PDGFD: variants seen among roughly 807,000 people sequenced by gnomAD.
PDGFD encodes the protein platelet derived growth factor D, also known as platelet-derived growth factor D.
Under a neutral mutation model 44.7 loss-of-function variants are expected in PDGFD, and 30 were observed. That is an observed-to-expected ratio of 0.67 (90% confidence interval 0.50 to 0.91). The LOEUF (loss-of-function observed/expected upper bound fraction) is 0.91, where lower values mean the gene tolerates loss of function less well. PDGFD is among the 40% of genes least tolerant of loss of function. PDGFD has a pLI of 0.00. For synonymous variants in PDGFD, 173 were observed against 168.4 expected, an observed-to-expected ratio of 1.03 and a Z score of -0.21; for missense variants, 445 against 457.8, an observed-to-expected ratio of 0.97 and a Z score of 0.25.
chr11:104,086,513 A>C (rs1392365059), intron 1 of PDGFD, among the ~76,000 whole-genome samples: 1 of 152,220 alleles, frequency 6.6e-6, no homozygotes, highest in Non-Finnish European at 1.5e-5. Context: ...ACAGATTAGC[A>C]CTAAGTATAG....
intron 1 of PDGFD, among the ~76,000 whole-genome samples, chr11:104,116,296 C>A (rs1861636915): frequency 6.6e-6 from 1 of 152,028 alleles, no homozygotes; most frequent in African/African-American, 2.4e-5. Flanking sequence ...GTGTCCTTTT[C>A]CACCTTATGC....
chr11:103,948,944 G>C (rs1181918896), intron 3 of PDGFD, among the ~76,000 whole-genome samples: 1 of 97,718 alleles, frequency 1.0e-5, no homozygotes, highest in Non-Finnish European at 1.9e-5. Context: ...AGAACTTAAA[G>C]TAAAAAAAGA....
At chr11:104,125,406 T>C (rs1861827405) in intron 1 of PDGFD, among the ~76,000 whole-genome samples, 1 of 152,138 alleles carries the variant, frequency 6.6e-6, no homozygotes, top group Admixed American at 6.6e-5. Flanking sequence ...AAAGGACTCA[T>C]GCACCTTTTT....
chr11:104,091,264 T>TA (rs573620122), intron 1 of PDGFD, among the ~76,000 whole-genome samples: 6 of 152,164 alleles, frequency 3.9e-5, no homozygotes, highest in African/African-American at 9.6e-5. Flanking sequence ...TTTCCTTTCT[T>TA]AAAAAAAAGA....
intron 1 of PDGFD, among the ~76,000 whole-genome samples, chr11:104,068,525 A>T (rs1271464529): frequency 2.6e-5 from 4 of 152,220 alleles, no homozygotes; most frequent in Non-Finnish European, 5.9e-5. Context: ...CATTTCTTTT[A>T]ATCACAAATA....
At chr11:103,934,644 T>C (rs1012115895) in intron 5 of PDGFD, among the ~76,000 whole-genome samples, 3 of 152,198 alleles carry the variant, frequency 2.0e-5, no homozygotes, top group African/African-American at 4.8e-5. Context: ...ACGTCTTACA[T>C]GGTGGCAGGA....
chr11:104,110,520 C>A (rs546445019), intron 1 of PDGFD, among the ~76,000 whole-genome samples: 26 of 146,080 alleles, frequency 1.8e-4, no homozygotes, highest in African/African-American at 1.5e-4. Context: ...AAAAAAACAA[C>A]AAAAAAAAGA....
intron 1 of PDGFD, among the ~76,000 whole-genome samples, chr11:104,126,243 G>A (rs12279750): frequency 0.04 from 6,061 of 152,262 alleles, 172 homozygotes; most frequent in African/African-American, 0.076. Flanking sequence ...AGAGCAGCCT[G>A]TAAGCTGGAG....
rs115450236 is a variant in PDGFD at position 103,917,984 on chromosome 11, G to A, written c.988-8165C>T. Reference sequence around the variant, plus strand: ...GCCATGCTGTTCCATAGACGGTCCAGTGAGGCAGGGAATAAATCACTGCAT... The same window carrying A: ...GCCATGCTGTTCCATAGACGGTCCAATGAGGCAGGGAATAAATCACTGCAT... On this transcript the variant is annotated intron_variant, in intron 6 of 6. Transcript: ENST00000393158. Among the ~76,000 whole-genome samples, 945 of 152,336 alleles carry A rather than the reference G, an allele frequency of 6.2e-3. 13 individuals are homozygous for A. Among genetic ancestry groups the A allele is most frequent in the African/African-American group, 0.022 (908 of 41,582 alleles).
chr11:104,137,131 G>A (rs534635547), intron 1 of PDGFD, among the ~76,000 whole-genome samples: 2 of 152,200 alleles, frequency 1.3e-5, no homozygotes, highest in African/African-American at 4.8e-5. Flanking sequence ...GATACCACAT[G>A]GCCTGAATAA....
At chr11:104,067,855 A>G (rs1280693583) in intron 1 of PDGFD, among the ~76,000 whole-genome samples, 2 of 152,162 alleles carry the variant, frequency 1.3e-5, no homozygotes, top group African/African-American at 4.8e-5. Flanking sequence ...TAGCAATGGC[A>G]GATAAGAAAA....
Position 103,909,537 on chromosome 11 carries a change from G to T in PDGFD, c.*157C>A. The stretch of plus-strand genomic sequence containing the variant: ...GATGATATACCTTTCTACTTGCCAT[G>T]GCATTAACAAAGCAAGGCTGAGACT... On this transcript the variant is annotated 3_prime_UTR_variant, in exon 7 of 7. Transcript: ENST00000393158. 1.2e-6 allele frequency: 1 copy of T among 831,702 alleles called. No homozygotes were observed. Among genetic ancestry groups the T allele is most frequent in the Non-Finnish European group, 1.9e-6 (1 of 519,142 alleles). 51.5% of individuals were successfully genotyped at this position (831,702 alleles called of 1,614,324 possible).
At chr11:104,015,081 A>G (rs1859840894) in intron 1 of PDGFD, among the ~76,000 whole-genome samples, 1 of 152,216 alleles carries the variant, frequency 6.6e-6, no homozygotes, top group Non-Finnish European at 1.5e-5. Flanking sequence ...CGTCATTTGA[A>G]GGCTTCAAAG....
At chr11:103,929,517 T>C (rs1858368612) in intron 5 of PDGFD, among the ~76,000 whole-genome samples, 1 of 152,224 alleles carries the variant, frequency 6.6e-6, no homozygotes, top group Non-Finnish European at 1.5e-5. Flanking sequence ...TCACATTGTA[T>C]AACTCTTTGA....
chr11:103,987,993 A>G (rs1387634603), intron 3 of PDGFD, among the ~76,000 whole-genome samples: 2 of 152,112 alleles, frequency 1.3e-5, no homozygotes, highest in African/African-American at 4.8e-5. Context: ...TTTTCTTATT[A>G]TCCACAGTAA....
At chr11:104,160,012 C>T (rs1401261424) in intron 1 of PDGFD, among the ~76,000 whole-genome samples, 1 of 152,172 alleles carries the variant, frequency 6.6e-6, no homozygotes, top group Non-Finnish European at 1.5e-5. Context: ...AAAAAATACA[C>T]AGAAGAGATT....
intron 1 of PDGFD, among the ~76,000 whole-genome samples, chr11:104,021,559 T>C (rs996769205): frequency 6.6e-6 from 1 of 152,154 alleles, no homozygotes; most frequent in Non-Finnish European, 1.5e-5. Context: ...CTTCTGCTGC[T>C]GCCATGAGAA....
At chr11:104,121,892 C>CT (rs985748187) in intron 1 of PDGFD, among the ~76,000 whole-genome samples, 1 of 151,874 alleles carries the variant, frequency 6.6e-6, no homozygotes, top group African/African-American at 2.4e-5. Flanking sequence ...TCAAAAAATC[C>CT]TTTTTGGAGG....
intron 1 of PDGFD, among the ~76,000 whole-genome samples, chr11:104,095,706 C>G (rs1043316847): frequency 1.3e-5 from 2 of 152,128 alleles, no homozygotes; most frequent in African/African-American, 2.4e-5. Context: ...ATAAAACATG[C>G]TCCATAGAAA....
Sources: gnomAD v4.1 joint callset for allele counts (sites outside exome capture counted in the v4.1 genomes callset) on GRCh38, gnomAD v4.1.1 for gene constraint, MANE v1.5 for transcripts, NCBI Gene and HGNC (gene_info 2026-07-23, HGNC 2026-07-21) for gene names.